Variants in CISTR observed in about 807,000 individuals in gnomAD.
CISTR encodes the protein chondrogenic regulator lncRNA.
intron 2 of CISTR, among the ~76,000 whole-genome samples, chr12:53,748,942 C>T (rs191702245): frequency 1.0e-3 from 151 of 151,712 alleles, no homozygotes; most frequent in Non-Finnish European, 1.8e-3. Context: ...CTCAGGTGGG[C>T]GGGGAGGCCT....
At position 53,751,347 on chromosome 12, in the gene CISTR, G is replaced by T. The variant is rs1474199293; in HGVS notation, n.415-382C>A. Among the ~76,000 whole-genome samples the T allele has an allele frequency of 6.6e-6, 1 of 152,140 alleles. No homozygotes were observed. Among genetic ancestry groups the T allele is most frequent in the Non-Finnish European group, 1.5e-5 (1 of 68,014 alleles). ...CAGAGATCTAATGGCTCCTTTGGCAGTGGGAAGGGGTGTGCGTGGGTGTCC... is the reference window on the plus strand; with the variant it reads ...CAGAGATCTAATGGCTCCTTTGGCATTGGGAAGGGGTGTGCGTGGGTGTCC... On this transcript the variant is annotated intron_variant and non_coding_transcript_variant, in intron 1 of 2. Coordinates refer to ENST00000669269, the Ensembl canonical transcript of CISTR. This position sits in a 1 kb window ranked among gnomAD's most constrained non-coding sequence, Gnocchi z 4.6.
intron 1 of CISTR, chr12:53,754,578 C>T (rs908439543): frequency 2.0e-5 from 3 of 152,138 alleles, no homozygotes; most frequent in Non-Finnish European, 4.4e-5. Context: ...TACTTGCTCC[C>T]GTGGCTTGTT....
In CISTR at chr12:53,756,523, G is replaced by C. The variant is rs373399048; in HGVS notation, n.414+291C>G. 3.9e-5 allele frequency among the ~76,000 whole-genome samples: 6 copies of C among 152,226 alleles called. No homozygotes were observed. The East Asian group carries it at 7.7e-4, about 20-fold the overall frequency. ...TCCTCCTGCCTCAGCCTTCCAAAGT[G>C]CTGGGATCACAGACGTGAGCCACTG... is the stretch of plus-strand genomic sequence containing the variant. On this transcript the variant is annotated intron_variant and non_coding_transcript_variant, in intron 1 of 2. Coordinates refer to ENST00000669269, the Ensembl canonical transcript of CISTR. The surrounding 1 kb of genome is among the most constrained non-coding windows in gnomAD (Gnocchi z 4.0).
chr12:53,755,536 C>T (rs951627356), intron 1 of CISTR, among the ~76,000 whole-genome samples: 7 of 152,028 alleles, frequency 4.6e-5, no homozygotes, highest in South Asian at 2.1e-4. Flanking sequence ...GTGTGTATGT[C>T]GGGGAGGGGA....
intron 1 of CISTR, among the ~76,000 whole-genome samples, chr12:53,753,071 CA>C (rs1937875645): frequency 8.1e-6 from 1 of 123,122 alleles, no homozygotes; most frequent in Non-Finnish European, 1.9e-5. Flanking sequence ...CACACACACA[CA>C]CACACACACA....
exon 3 of CISTR, among the ~76,000 whole-genome samples, chr12:53,746,518 C>G (rs546701090): frequency 6.6e-6 from 1 of 152,136 alleles, no homozygotes; most frequent in Admixed American, 6.5e-5. Flanking sequence ...GGAAAAGCCA[C>G]AGGGTCCTTC....
chr12:53,748,637 C>T (rs1452435591), intron 2 of CISTR, among the ~76,000 whole-genome samples: 3 of 152,222 alleles, frequency 2.0e-5, no homozygotes, highest in Non-Finnish European at 2.9e-5. Flanking sequence ...AGAGCAGTCA[C>T]GGACACAGAG....
intron 1 of CISTR, among the ~76,000 whole-genome samples, chr12:53,752,545 C>T (rs1331905118): frequency 6.6e-6 from 1 of 152,148 alleles, no homozygotes; most frequent in Non-Finnish European, 1.5e-5. Context: ...GCTGTGATAA[C>T]GAATGTAACA....
intron 1 of CISTR, among the ~76,000 whole-genome samples, chr12:53,753,482 G>T (rs769754722): frequency 1.3e-5 from 2 of 152,226 alleles, no homozygotes; most frequent in Non-Finnish European, 2.9e-5. Flanking sequence ...GGTGGAGGAA[G>T]ATCTGAAGGA....
In CISTR at chr12:53,751,834, C is replaced by T. The variant is rs1423761789; in HGVS notation, n.415-869G>A. 1 of 152,722 alleles carries T rather than the reference C, an allele frequency of 6.5e-6. No homozygotes were observed. The highest frequency in any genetic ancestry group is 1.5e-5 in the Non-Finnish European group (1 of 68,300). 9.5% of individuals were successfully genotyped at this position (152,722 alleles called of 1,614,324 possible). On this transcript the variant is annotated intron_variant and non_coding_transcript_variant, in intron 1 of 2. Coordinates refer to ENST00000669269, the Ensembl canonical transcript of CISTR. This position sits in a 1 kb window ranked among gnomAD's most constrained non-coding sequence, Gnocchi z 4.6. ...ACACCAGAGCGGCCGGCTGGAGAGT[C>T]TAGCTTGCTTTTTAGGGTCTCTCTC...
rs143396535 is a variant in CISTR at position 53,756,246 on chromosome 12, A to T, written n.414+568T>A. On this transcript the variant is annotated intron_variant and non_coding_transcript_variant, in intron 1 of 2. Transcript: ENST00000669269. The surrounding 1 kb of genome is among the most constrained non-coding windows in gnomAD (Gnocchi z 4.0). ...CATCCCCTTTTCTGGCTCTCGAGGT[A>T]AGTTCTTTGGGGATGAAGCACCTGA... 6.6e-6 allele frequency among the ~76,000 whole-genome samples: 1 copy of T among 152,096 alleles called. No individual in the cohort carries two copies. The highest frequency in any genetic ancestry group is 1.5e-5 in the Non-Finnish European group (1 of 68,020).
In CISTR at chr12:53,756,574, T is replaced by G. The variant is rs1937915969; in HGVS notation, n.414+240A>C. Among the ~76,000 whole-genome samples, 1 of 152,158 alleles carries G rather than the reference T, an allele frequency of 6.6e-6. No individual in the cohort carries two copies. The highest frequency in any genetic ancestry group is 1.5e-5 in the Non-Finnish European group (1 of 68,032). On this transcript the variant is annotated intron_variant and non_coding_transcript_variant, in intron 1 of 2. Transcript: ENST00000669269. This position sits in a 1 kb window ranked among gnomAD's most constrained non-coding sequence, Gnocchi z 4.0. ...CACTTGGCCTCTTTCAGGTTTCAGATGAGGAAATGGAGGCCTTGGAGAGGG... is the reference window on the plus strand; with the variant it reads ...CACTTGGCCTCTTTCAGGTTTCAGAGGAGGAAATGGAGGCCTTGGAGAGGG...
chr12:53,750,020 G>A (rs978059459), intron 2 of CISTR, among the ~76,000 whole-genome samples: 3 of 152,190 alleles, frequency 2.0e-5, no homozygotes, highest in Non-Finnish European at 4.4e-5. Flanking sequence ...GTTCCCAGGA[G>A]CATTCACAAC....
chr12:53,752,547 A>G (rs190791643), intron 1 of CISTR, among the ~76,000 whole-genome samples: 155 of 152,254 alleles, frequency 1.0e-3, no homozygotes, highest in Middle Eastern at 3.4e-3. Flanking sequence ...TGTGATAACG[A>G]ATGTAACATG....
In CISTR at chr12:53,751,596, T is replaced by A. The variant is rs1937852106; in HGVS notation, n.415-631A>T. Among the ~76,000 whole-genome samples the A allele has an allele frequency of 6.6e-6, 1 of 152,100 alleles. No individual in the cohort carries two copies. The highest frequency in any genetic ancestry group is 2.1e-4 in the South Asian group (1 of 4,830). Reference sequence around the variant, plus strand: ...CCGCGCGGCGCGGACTCATTACGGCTGCAGCCAATTTCATGCCAGCGCCGA... The same window carrying A: ...CCGCGCGGCGCGGACTCATTACGGCAGCAGCCAATTTCATGCCAGCGCCGA... On this transcript the variant is annotated intron_variant and non_coding_transcript_variant, in intron 1 of 2. Coordinates refer to ENST00000669269, the Ensembl canonical transcript of CISTR. This position sits in a 1 kb window ranked among gnomAD's most constrained non-coding sequence, Gnocchi z 4.6.
intron 2 of CISTR, among the ~76,000 whole-genome samples, chr12:53,748,341 G>T (rs1447969990): frequency 6.6e-6 from 1 of 152,206 alleles, no homozygotes; most frequent in Non-Finnish European, 1.5e-5. Flanking sequence ...CAGGAAAAGA[G>T]GCAGAGAAGG....
chr12:53,748,234 G>C (rs1041322931), intron 2 of CISTR, among the ~76,000 whole-genome samples: 1 of 152,216 alleles, frequency 6.6e-6, no homozygotes, highest in African/African-American at 2.4e-5. Context: ...GCTGCACCGC[G>C]GGCCGTCAAT....
exon 3 of CISTR, among the ~76,000 whole-genome samples, chr12:53,746,731 G>A (rs1017974542): frequency 6.6e-6 from 1 of 152,196 alleles, no homozygotes; most frequent in Non-Finnish European, 1.5e-5. Flanking sequence ...AGCATCCAGG[G>A]CCGACGTCTG....
At chr12:53,753,052 TCACACA>T (rs760615546) in intron 1 of CISTR, among the ~76,000 whole-genome samples, 19 of 121,324 alleles carry the variant, frequency 1.6e-4, no homozygotes, top group Admixed American at 4.7e-4. Context: ...CATCTATACA[TCACACA>T]CACACACACA....
Sources: allele counts gnomAD v4.1 joint callset (sites outside exome capture counted in the v4.1 genomes callset), GRCh38; gene constraint gnomAD v4.1.1; non-coding constraint Gnocchi (gnomAD v3.1); transcripts MANE v1.5; gene names NCBI Gene and HGNC (gene_info 2026-07-23, HGNC 2026-07-21).